Variants in ADGRV1 observed in about 807,000 individuals in gnomAD.
ADGRV1 encodes adhesion G protein-coupled receptor V1, also known as G-protein coupled receptor 98.
A neutral mutation model predicts 596.2 loss-of-function variants in ADGRV1; 359 were observed. The ratio of observed to expected loss-of-function variants is 0.60; its 90% CI spans 0.55 to 0.66. ADGRV1 has a LOEUF of 0.66. ADGRV1 is among the 30% of genes least tolerant of loss of function. ADGRV1 has a pLI of 0.00. For missense variants in ADGRV1, 7,274 were observed against 7,575.6 expected, an observed-to-expected ratio of 0.96 and a Z score of 1.48; for synonymous variants, 2,681 against 2,679.2, an observed-to-expected ratio of 1.00 and a Z score of -0.02.
Position 90,712,356 on chromosome 5 carries a change from G to C in ADGRV1, c.9112G>C (p.Glu3038Gln), listed in dbSNP as rs1353188637. Residue 3038 changes from glutamate (E) to glutamine (Q), a missense_variant, in exon 42 of 90, where the codon GAA becomes CAA. By Grantham distance (29) the Glu-to-Gln change is conservative. Coordinates refer to ENST00000405460, the MANE Select transcript of ADGRV1 (RefSeq NM_032119.4). The part of the protein sequence containing the change: ...NIMILDDDIP[E>Q]GDEKFQLILT... ...CATGATTCTTGATGATGACATTCCA[G>C]AAGGAGATGAAAAATTTCAGCTGAT... 5 of 1,571,902 alleles carry C rather than the reference G, an allele frequency of 3.2e-6. No homozygotes were observed. The Admixed American group carries it at 7.2e-5, about 23-fold the overall frequency.
At position 90,614,936 on chromosome 5, in the gene ADGRV1, G is replaced by A. The variant is rs529913709; in HGVS notation, c.124G>A (p.Val42Ile). The change falls in exon 2 of 90, where the codon GTT (valine) becomes ATT (isoleucine). Residue 42 changes from valine (V) to isoleucine (I), a missense_variant. Val to Ile is a conservative substitution (Grantham distance 29). This residue lies in a region of ADGRV1 where 1,715 missense variants were observed against 1,708.8 expected (regional missense o/e 1.00). Transcript: ENST00000405460. ...AAGATTTACTGGACAAACTGAATTTGTTGTTAATGAAACAAGTACAACAGT... is the reference window on the plus strand; with the variant it reads ...AAGATTTACTGGACAAACTGAATTTATTGTTAATGAAACAAGTACAACAGT... ...EIRFTGQTEFVVNETSTTVIR... is the reference protein window; with the variant it reads ...EIRFTGQTEFIVNETSTTVIR... 38 of 1,599,040 alleles carry A rather than the reference G, an allele frequency of 2.4e-5. No homozygotes were observed. The East Asian group carries it at 8.3e-4, about 35-fold the overall frequency.
chr5:90,638,071 T>A (rs1715891153), intron 11 of ADGRV1, 123 bp downstream of exon 11: 1 of 643,888 alleles, frequency 1.6e-6, no homozygotes, highest in African/African-American at 1.8e-5. Context: ...TAAATAGTGT[T>A]ATACTGGCCT....
rs1042236248 is a variant in ADGRV1 at position 90,598,495 on chromosome 5, A to G, written c.23-16340A>G. Among the ~76,000 whole-genome samples the G allele has an allele frequency of 2.6e-5, 4 of 152,236 alleles. No homozygotes were observed. The East Asian group carries it at 5.8e-4, about 22-fold the overall frequency. On this transcript the variant is annotated intron_variant, in intron 1 of 89. Coordinates refer to ENST00000405460, the MANE Select transcript of ADGRV1 (RefSeq NM_032119.4). ...AGCGTTTCTCCTCTGAAGAAAGCACATACAGAGTACGTGCTGACCCGTGCC... is the reference window on the plus strand; with the variant it reads ...AGCGTTTCTCCTCTGAAGAAAGCACGTACAGAGTACGTGCTGACCCGTGCC...
intron 83 of ADGRV1, among the ~76,000 whole-genome samples, chr5:90,963,472 G>A (rs1778193024): frequency 6.6e-6 from 1 of 151,736 alleles, no homozygotes; most frequent in South Asian, 2.1e-4. Context: ...GTGAATTTGT[G>A]GACTTTTTTT....
intron 85 of ADGRV1, among the ~76,000 whole-genome samples, chr5:90,999,893 T>C (rs2151102259): frequency 6.6e-6 from 1 of 152,254 alleles, no homozygotes; most frequent in South Asian, 2.1e-4. Context: ...GAAAAACCAT[T>C]CCTGGCTCAA....
At chr5:91,068,323 G>C (rs777181696) in intron 85 of ADGRV1, among the ~76,000 whole-genome samples, 1 of 151,648 alleles carries the variant, frequency 6.6e-6, no homozygotes, top group Non-Finnish European at 1.5e-5. Flanking sequence ...AAAAAAATTA[G>C]CTGGGCATGG....
intron 1 of ADGRV1, among the ~76,000 whole-genome samples, chr5:90,597,960 GTTAATA>G (rs1760912168): frequency 6.6e-6 from 1 of 152,156 alleles, no homozygotes; most frequent in Non-Finnish European, 1.5e-5. Context: ...AGGGTGGACA[GTTAATA>G]TTGATGGGGA....
rs549235445 is a variant in ADGRV1, at chr5:91,120,065, C to T, written c.18432+17725C>T. ...TAGAGAGCTACTGACAAGAACATAG[C>T]ACTTACACCAGGTGATCACTTGGAT... is the stretch of plus-strand genomic sequence containing the variant. On this transcript the variant is annotated intron_variant, in intron 87 of 89. Coordinates refer to ENST00000405460, the MANE Select transcript of ADGRV1 (RefSeq NM_032119.4). Among the ~76,000 whole-genome samples, 10 of 152,324 alleles carry T rather than the reference C, an allele frequency of 6.6e-5. No homozygotes were observed. The South Asian group carries it at 1.4e-3, about 22-fold the overall frequency.
At chr5:90,600,997 G>A (rs368365901) in intron 1 of ADGRV1, among the ~76,000 whole-genome samples, 1 of 152,308 alleles carries the variant, frequency 6.6e-6, no homozygotes, top group East Asian at 1.9e-4. Flanking sequence ...AGCACTTTGG[G>A]AGGCCGAGGC....
intron 83 of ADGRV1, among the ~76,000 whole-genome samples, chr5:90,895,110 T>A (rs553937848): frequency 1.3e-5 from 2 of 152,120 alleles, no homozygotes; most frequent in South Asian, 2.1e-4. Flanking sequence ...TTTTATTTTT[T>A]ATTTTTGTAG....
rs760191239 is a variant in ADGRV1 at position 90,614,842 on chromosome 5, C to A, written c.30C>A (p.Pro10=). The A allele has an allele frequency of 1.9e-6, 3 of 1,607,040 alleles. No homozygotes were observed. The African/African-American group carries it at 4.0e-5, about 22-fold the overall frequency. MSVFLGPGM[P]SASLLVNLLS... ...TTTTTCTTTTTGTTTTAGGGATGCC[C>A]TCTGCATCTTTATTAGTAAATCTTC... Residue 10 remains proline, a synonymous_variant, in exon 2 of 90, where the codon CCC becomes CCA. Coordinates refer to ENST00000405460, the MANE Select transcript of ADGRV1 (RefSeq NM_032119.4).
chr5:90,706,176 TA>T (rs1190442303), intron 37 of ADGRV1, 54 bp from the exon 38 acceptor site: 6 of 1,507,886 alleles, frequency 4.0e-6, no homozygotes, highest in African/African-American at 1.4e-5. Flanking sequence ...CACAAGGGGA[TA>T]TTATTGTAAA....
intron 64 of ADGRV1, chr5:90,779,920 C>T (rs1758658632): frequency 6.6e-6 from 1 of 152,124 alleles, no homozygotes; most frequent in Non-Finnish European, 1.5e-5. Context: ...ATATGTTACT[C>T]AGTGACTTAA....
At chr5:90,945,267 T>C (rs903978459) in intron 83 of ADGRV1, among the ~76,000 whole-genome samples, 2 of 152,084 alleles carry the variant, frequency 1.3e-5, no homozygotes, top group African/African-American at 4.8e-5. Context: ...TTCTCTGTTC[T>C]CTTTAATATT....
At chr5:91,097,700 A>G (rs542778764) in intron 86 of ADGRV1, among the ~76,000 whole-genome samples, 15 of 152,260 alleles carry the variant, frequency 9.9e-5, no homozygotes, top group Admixed American at 5.9e-4. Context: ...AGGCATGCAC[A>G]AGGGTTCCAA....
intron 57 of ADGRV1, among the ~76,000 whole-genome samples, chr5:90,758,250 G>A (rs1756056101): frequency 6.6e-6 from 1 of 152,022 alleles, no homozygotes; most frequent in South Asian, 2.1e-4. Flanking sequence ...GGAGAATGGC[G>A]TGAACCTGGG....
intron 83 of ADGRV1, among the ~76,000 whole-genome samples, chr5:90,946,130 G>T (rs1048553047): frequency 6.6e-6 from 1 of 152,156 alleles, no homozygotes; most frequent in Non-Finnish European, 1.5e-5. Flanking sequence ...CCTAGAAGGA[G>T]AATATCCCAG....
intron 75 of ADGRV1, among the ~76,000 whole-genome samples, chr5:90,818,022 G>A (rs1305151373): frequency 6.6e-6 from 1 of 151,762 alleles, no homozygotes; most frequent in African/African-American, 2.4e-5. Flanking sequence ...CCATTTTCAC[G>A]ATATTGATTC....
chr5:90,580,608 C>G (rs1437777187), intron 1 of ADGRV1, among the ~76,000 whole-genome samples: 2 of 152,106 alleles, frequency 1.3e-5, no homozygotes, highest in African/African-American at 4.8e-5. Context: ...AATATTGGCT[C>G]CCACTCTCTT....
Sources: gnomAD v4.1 joint callset for allele counts (sites outside exome capture counted in the v4.1 genomes callset) on GRCh38, gnomAD v4.1.1 for gene constraint, gnomAD v4.1.1 regional missense constraint, MANE v1.5 for transcripts, NCBI Gene and HGNC (gene_info 2026-07-23, HGNC 2026-07-21) for gene names.